Variants in INPP4B observed in about 807,000 individuals in gnomAD.
INPP4B encodes the protein inositol polyphosphate 4-phosphatase type II.
A neutral mutation model predicts 122.5 loss-of-function variants in INPP4B; 55 were observed. That is an observed-to-expected ratio of 0.45 (90% CI 0.36 to 0.56). The LOEUF (loss-of-function observed/expected upper bound fraction) is 0.56. Ranked by LOEUF, INPP4B falls within the 20% of genes least tolerant of loss-of-function variation. INPP4B has a pLI of 0.00. For missense variants in INPP4B, 1,000 were observed against 1,097.7 expected (o/e 0.91, Z 1.26); for synonymous variants, 403 against 388.7 (o/e 1.04, Z -0.43).
intron 2 of INPP4B, among the ~76,000 whole-genome samples, chr4:142,672,047 T>A (rs1330624796): frequency 6.6e-6 from 1 of 152,198 alleles, no homozygotes; most frequent in East Asian, 1.9e-4. Context: ...CCATACTGTA[T>A]GTTGTTAAAT....
chr4:142,597,531 T>C (rs887619131), intron 2 of INPP4B, among the ~76,000 whole-genome samples: 1 of 152,192 alleles, frequency 6.6e-6, no homozygotes, highest in Admixed American at 6.5e-5. Context: ...GAACTCTTCT[T>C]TATCCTAAAC....
At chr4:142,455,523 A>T (rs1815213177) in intron 3 of INPP4B, among the ~76,000 whole-genome samples, 1 of 152,028 alleles carries the variant, frequency 6.6e-6, no homozygotes, top group South Asian at 2.1e-4. Flanking sequence ...AGAGTACTCC[A>T]TTGTGTATAT....
intron 17 of INPP4B, among the ~76,000 whole-genome samples, chr4:142,155,175 A>C (rs1181032093): frequency 6.6e-6 from 1 of 152,076 alleles, no homozygotes; most frequent in Non-Finnish European, 1.5e-5. Flanking sequence ...ATTAATATCA[A>C]GGAGTCTATA....
chr4:142,431,848 G>A lies in INPP4B; in HGVS notation c.-126-463C>T, dbSNP rs1809393451. Among the ~76,000 whole-genome samples, 3 of 152,014 alleles carry A rather than the reference G, an allele frequency of 2.0e-5. No homozygotes were observed. The South Asian group carries it at 6.2e-4, about 32-fold the overall frequency. On this transcript the variant is annotated intron_variant, in intron 3 of 25. Transcript: ENST00000262992. ...TTACTGACCACATAAAAAATAATTT[G>A]GCATGACATTCTTCTTCCAAGATGA... is the stretch of plus-strand genomic sequence containing the variant.
At chr4:142,626,853 T>C (rs1746542879) in intron 2 of INPP4B, among the ~76,000 whole-genome samples, 1 of 152,052 alleles carries the variant, frequency 6.6e-6, no homozygotes. Flanking sequence ...CTAGTAGTGT[T>C]TGATGCTGTA....
chr4:142,733,875 T>G (rs143195321), intron 1 of INPP4B, among the ~76,000 whole-genome samples: 1 of 152,192 alleles, frequency 6.6e-6, no homozygotes, highest in East Asian at 1.9e-4. Context: ...GATTAATAAA[T>G]TAAGATATAT....
chr4:142,297,977 T>G (rs2151071018), intron 9 of INPP4B, among the ~76,000 whole-genome samples: 1 of 152,342 alleles, frequency 6.6e-6, no homozygotes. Context: ...TTATTACTAC[T>G]TCCATTAATA....
intron 1 of INPP4B, among the ~76,000 whole-genome samples, chr4:142,737,861 CTCA>C (rs1224248862): frequency 1.3e-5 from 2 of 152,172 alleles, no homozygotes; most frequent in Non-Finnish European, 2.9e-5. Flanking sequence ...TGAAAAAATG[CTCA>C]TCATCACTGG....
chr4:142,217,637 T>G (rs1847848757), intron 12 of INPP4B, among the ~76,000 whole-genome samples: 2 of 152,180 alleles, frequency 1.3e-5, no homozygotes, highest in Non-Finnish European at 2.9e-5. Flanking sequence ...ATTGTGATGG[T>G]TAATTGTACA....
intron 2 of INPP4B, among the ~76,000 whole-genome samples, chr4:142,694,056 A>G (rs1209643667): frequency 6.6e-6 from 1 of 152,176 alleles, no homozygotes; most frequent in African/African-American, 2.4e-5. Flanking sequence ...GCTTAAATCA[A>G]GCATTTTATT....
intron 21 of INPP4B, among the ~76,000 whole-genome samples, chr4:142,119,232 G>A (rs1795330325): frequency 6.6e-6 from 1 of 152,180 alleles, no homozygotes; most frequent in Non-Finnish European, 1.5e-5. Flanking sequence ...GTGGAAGACA[G>A]TGTGGCGATT....
intron 3 of INPP4B, among the ~76,000 whole-genome samples, chr4:142,436,820 A>C (rs1252703362): frequency 2.0e-5 from 3 of 151,576 alleles, no homozygotes. Context: ...AAAAAAAAAA[A>C]AAGATGAAAA....
intron 1 of INPP4B, among the ~76,000 whole-genome samples, chr4:142,782,853 T>G (rs1279128794): frequency 6.6e-6 from 1 of 152,036 alleles, no homozygotes; most frequent in African/African-American, 2.4e-5. Context: ...CCCTCAGAAA[T>G]AACGCCGCAT....
chr4:142,818,876 T>A (rs1472306883), intron 1 of INPP4B, among the ~76,000 whole-genome samples: 1 of 152,172 alleles, frequency 6.6e-6, no homozygotes, highest in Non-Finnish European at 1.5e-5. Context: ...CCATAGTGTG[T>A]CTCTTCCACT....
chr4:142,251,478 T>C (rs745857907), intron 11 of INPP4B, among the ~76,000 whole-genome samples: 1 of 152,214 alleles, frequency 6.6e-6, no homozygotes, highest in Admixed American at 6.5e-5. Flanking sequence ...CTTTAAATAT[T>C]TTAAGAGCAC....
chr4:142,323,490 G>C (rs1770954583), intron 7 of INPP4B, among the ~76,000 whole-genome samples: 1 of 141,066 alleles, frequency 7.1e-6, no homozygotes, highest in Non-Finnish European at 1.5e-5. Flanking sequence ...CTGTCGCCCA[G>C]GCTGGAGTGC....
At chr4:142,704,437 C>T (rs1261292460) in intron 2 of INPP4B, among the ~76,000 whole-genome samples, 2 of 152,134 alleles carry the variant, frequency 1.3e-5, no homozygotes, top group Admixed American at 1.3e-4. Context: ...TATTTAAATC[C>T]TGTCTAAACA....
At chr4:142,704,298 A>G (rs1004818438) in intron 2 of INPP4B, among the ~76,000 whole-genome samples, 1 of 152,230 alleles carries the variant, frequency 6.6e-6, no homozygotes, top group Non-Finnish European at 1.5e-5. Context: ...TTTCAGCAAC[A>G]AATCAGTAAA....
intron 3 of INPP4B, among the ~76,000 whole-genome samples, chr4:142,442,954 C>G (rs1580075682): frequency 6.6e-6 from 1 of 152,266 alleles, no homozygotes; most frequent in East Asian, 1.9e-4. Flanking sequence ...TGCAGGGGAA[C>G]TCCCATTTAT....
Sources: allele counts gnomAD v4.1 joint callset (sites outside exome capture counted in the v4.1 genomes callset), GRCh38; gene constraint gnomAD v4.1.1; transcripts MANE v1.5; gene names NCBI Gene and HGNC (gene_info 2026-07-23, HGNC 2026-07-21).